The following S100A13 variants were observed in gnomAD, a reference collection of about 807,000 sequenced individuals.
S100A13 encodes S100 calcium binding protein A13.
In S100A13, 6 loss-of-function variants were observed where a neutral mutation model predicts 8.2. The observed-to-expected ratio is 0.73, with a 90% CI of 0.40 to 1.44. The LOEUF (loss-of-function observed/expected upper bound fraction) is 1.44. Among genes scored for constraint, S100A13 ranks in the 40% most tolerant of loss-of-function variants. The pLI, the probability that S100A13 is intolerant of heterozygous loss-of-function variation, is 0.02. For missense variants in S100A13, 114 were observed against 113.6 expected (o/e 1.00, Z -0.02); for synonymous variants, 39 against 45.9 (o/e 0.85, Z 0.61).
At chr1:153,631,394 C>T, upstream of S100A13, 1 of 1,371,660 alleles carries the variant, frequency 7.3e-7, no homozygotes, top group Non-Finnish European at 1.0e-6. Flanking sequence ...AAACATACCT[C>T]ACATTATTTG....
chr1:153,622,418 G>A (rs1667328522), intron 2 of S100A13, among the ~76,000 whole-genome samples: 1 of 152,172 alleles, frequency 6.6e-6, no homozygotes, highest in Admixed American at 6.5e-5. Flanking sequence ...TATTTCTACT[G>A]CCAAACATTT....
upstream of S100A13, among the ~76,000 whole-genome samples, chr1:153,633,600 C>T (rs1668160286): frequency 6.6e-6 from 1 of 152,160 alleles, no homozygotes; most frequent in Non-Finnish European, 1.5e-5. Flanking sequence ...TAATACTGGC[C>T]TCCTGGGCCT....
chr1:153,630,275 C>T (rs1036449525), upstream of S100A13: 1 of 548,714 alleles, frequency 1.8e-6, no homozygotes, highest in Admixed American at 3.3e-5. Context: ...TGCCCCAACC[C>T]TGATTCCCTC....
intron 2 of S100A13, among the ~76,000 whole-genome samples, chr1:153,625,324 TC>T (rs990393699): frequency 2.6e-5 from 4 of 152,200 alleles, no homozygotes; most frequent in African/African-American, 9.7e-5. Flanking sequence ...GAGTCCATAT[TC>T]ACACACTTCA....
upstream of S100A13, chr1:153,631,027 G>A (rs1159547677): frequency 1.6e-5 from 5 of 314,344 alleles, no homozygotes; most frequent in Admixed American, 2.3e-4. Context: ...GAAGTCAGAT[G>A]GCTTTCCTGA....
At chr1:153,630,407 A>G (rs965077782), upstream of S100A13, 1 of 1,399,946 alleles carries the variant, frequency 7.1e-7, no homozygotes, top group Non-Finnish European at 9.6e-7. Flanking sequence ...TCCCACAGCT[A>G]TTTGAGCTGT....
At position 153,619,055 on chromosome 1, in the gene S100A13, G is replaced by A. The variant is rs1667071371; in HGVS notation, c.154-17C>T. On this transcript the variant is annotated splice_polypyrimidine_tract_variant and intron_variant, in intron 2 of 2. Coordinates refer to ENST00000476133, the MANE Select transcript of S100A13 (RefSeq NM_001024211.2). ...GCCCACATCCTGAGGAGACACCAAA[G>A]GGAAGGGTAGAGTTAGAAACTGGGG... 6.2e-7 allele frequency: 1 copy of A among 1,609,548 alleles called. No homozygotes were observed. Among genetic ancestry groups the A allele is most frequent in the Non-Finnish European group, 8.5e-7 (1 of 1,177,652 alleles).
Position 153,618,841 on chromosome 1 carries a change from T to A in S100A13, c.*54A>T. The stretch of plus-strand genomic sequence containing the variant: ...AAGCTTTATTTGGGAAGAGTGCGGT[T>A]CTGCTCGGCCCTGATCAGCTCTGCC... On this transcript the variant is annotated 3_prime_UTR_variant, in exon 3 of 3. Coordinates refer to ENST00000476133, the MANE Select transcript of S100A13 (RefSeq NM_001024211.2). The A allele has an allele frequency of 6.4e-7, 1 of 1,571,786 alleles. No homozygotes were observed. The highest frequency in any genetic ancestry group is 8.7e-7 in the Non-Finnish European group (1 of 1,150,230).
At chr1:153,628,168 G>A, upstream of S100A13, 2 of 1,550,510 alleles carry the variant, frequency 1.3e-6, no homozygotes, top group Non-Finnish European at 1.7e-6. Context: ...GGCCCAGCTT[G>A]GGGTAAGACA....
At chr1:153,630,678 T>G (rs754790052), upstream of S100A13, 4 of 1,613,310 alleles carry the variant, frequency 2.5e-6, no homozygotes, top group African/African-American at 5.3e-5. Flanking sequence ...CATAGAGTGG[T>G]GGAGTGGGAG....
chr1:153,629,329 G>A (rs1041144144), upstream of S100A13: 2 of 152,224 alleles, frequency 1.3e-5, no homozygotes, highest in East Asian at 3.9e-4. Flanking sequence ...CCATGTCTCT[G>A]TGACAACTGC....
At chr1:153,633,400 C>G (rs1668144538), upstream of S100A13, among the ~76,000 whole-genome samples, 2 of 152,074 alleles carry the variant, frequency 1.3e-5, no homozygotes, top group African/African-American at 4.8e-5. Flanking sequence ...CTATGTAGGT[C>G]TGCAACAAAA....
In S100A13 at chr1:153,624,275, G is replaced by T. The variant is rs934965444; in HGVS notation, c.153+2045C>A. Among the ~76,000 whole-genome samples, 15 of 152,180 alleles carry T rather than the reference G, an allele frequency of 9.9e-5. 1 individual carries two copies. The highest frequency in any genetic ancestry group is 7.9e-4 in the Admixed American group (12 of 15,272). On this transcript the variant is annotated intron_variant, in intron 2 of 2. Coordinates refer to ENST00000476133, the MANE Select transcript of S100A13 (RefSeq NM_001024211.2). The stretch of plus-strand genomic sequence containing the variant: ...GAAGACAAATCTTTTTGGAAATGAG[G>T]AGTTGAGAAAATTGAAAGGCCCAGA...
rs1257581794 is a variant in S100A13, at chr1:153,626,437, G to A, written c.36C>T (p.Ser12=). The A allele has an allele frequency of 1.9e-6, 3 of 1,614,086 alleles. No homozygotes were observed. Among genetic ancestry groups the A allele is most frequent in the Non-Finnish European group, 2.5e-6 (3 of 1,180,042 alleles). Reference sequence around the variant, plus strand: ...AGAAGGTGGTGACCACGGTCTCAATGGACTCCTCTAGCTCTGTCAGTGGTT... The same window carrying A: ...AGAAGGTGGTGACCACGGTCTCAATAGACTCCTCTAGCTCTGTCAGTGGTT... The part of the protein sequence containing the change: ...AAEPLTELEE[S]IETVVTTFFT... The change falls in exon 2 of 3, where the codon TCC becomes TCT. Residue 12 remains serine (S), a synonymous_variant. Coordinates refer to ENST00000476133, the MANE Select transcript of S100A13 (RefSeq NM_001024211.2).
At chr1:153,630,690 G>C (rs1276748636), upstream of S100A13, 5 of 1,611,582 alleles carry the variant, frequency 3.1e-6, no homozygotes, top group Non-Finnish European at 3.4e-6. Context: ...GAGTGGGAGT[G>C]GAGTGGGTGA....
chr1:153,626,758 A>G, intron 1 of S100A13: 1 of 347,180 alleles, frequency 2.9e-6, no homozygotes, highest in Non-Finnish European at 5.4e-6. Context: ...CCTCTTCTGT[A>G]GGTCTCACAA....
At chr1:153,628,538 C>A, upstream of S100A13, 9 of 1,548,800 alleles carry the variant, frequency 5.8e-6, no homozygotes, top group Non-Finnish European at 7.9e-6. Context: ...GGCCTGCCAG[C>A]TTCAGGGAGA....
intron 2 of S100A13, among the ~76,000 whole-genome samples, chr1:153,620,767 T>G (rs1265349439): frequency 6.6e-6 from 1 of 152,124 alleles, no homozygotes; most frequent in Non-Finnish European, 1.5e-5. Context: ...TATCTGATTT[T>G]ATATAAGGGA....
upstream of S100A13, among the ~76,000 whole-genome samples, chr1:153,633,668 G>A (rs764650091): frequency 1.4e-3 from 211 of 152,292 alleles, no homozygotes; most frequent in Non-Finnish European, 2.1e-3. Flanking sequence ...GCCATGAGGG[G>A]AAAACCAGTG....
Sources: gnomAD v4.1 joint callset for allele counts (sites outside exome capture counted in the v4.1 genomes callset) on GRCh38, gnomAD v4.1.1 for gene constraint, MANE v1.5 for transcripts, NCBI Gene and HGNC (gene_info 2026-07-23, HGNC 2026-07-21) for gene names.